Variants in PPP2R2B observed in about 807,000 individuals in gnomAD.
The protein encoded by PPP2R2B is protein phosphatase 2 regulatory subunit Bbeta.
A neutral mutation model predicts 46.0 loss-of-function variants in PPP2R2B; 5 were observed. The observed-to-expected ratio is 0.11, with a 90% CI of 0.06 to 0.23. The LOEUF is 0.23. Among genes scored for constraint, PPP2R2B ranks in the 10% least tolerant of loss-of-function variants. The pLI, the probability that PPP2R2B is intolerant of heterozygous loss-of-function variation, is 1.00. For missense variants in PPP2R2B, 367 were observed against 575.0 expected (o/e 0.64, Z 3.70); for synonymous variants, 215 against 206.7 (o/e 1.04, Z -0.34).
At position 146,837,348 on chromosome 5, in the gene PPP2R2B, G is replaced by C. The variant is rs542635937; in HGVS notation, c.70+40654C>G. On this transcript the variant is annotated intron_variant, in intron 2 of 9. Transcript: ENST00000394411. ...TTAGTTATGATTTTCAGAAGATTAC[G>C]TGTATTAAATGCATTTTTTGACTTA... Among the ~76,000 whole-genome samples, 4 of 152,298 alleles carry C rather than the reference G, an allele frequency of 2.6e-5. No homozygotes were observed. In the South Asian group the frequency reaches 8.3e-4, roughly 32 times the overall value.
chr5:146,687,060 G>C (rs980047120), intron 5 of PPP2R2B, among the ~76,000 whole-genome samples: 2 of 151,554 alleles, frequency 1.3e-5, no homozygotes, highest in Non-Finnish European at 2.9e-5. Flanking sequence ...AGTGGTAGCG[G>C]GGAGTGGTGG....
Position 146,870,817 on chromosome 5 carries a change from G to A in PPP2R2B, c.70+7185C>T, listed in dbSNP as rs370815916. On this transcript the variant is annotated intron_variant, in intron 2 of 9. Transcript: ENST00000394411. ...ACTTCATTTAACATTTGTTGTAAGC[G>A]ATCAAGTCATTTACCTCTAAAGCAC... 1.1e-4 allele frequency among the ~76,000 whole-genome samples: 17 copies of A among 152,162 alleles called. No individual in the cohort carries two copies. In the South Asian group the frequency reaches 2.3e-3, roughly 20 times the overall value.
At chr5:146,762,370 G>T (rs541533675) in intron 2 of PPP2R2B, among the ~76,000 whole-genome samples, 2 of 152,296 alleles carry the variant, frequency 1.3e-5, no homozygotes, top group South Asian at 4.1e-4. Context: ...GAAGAAAATA[G>T]TACCGAAAGC....
chr5:146,683,143 C>G (rs1442925886), intron 5 of PPP2R2B, among the ~76,000 whole-genome samples: 1 of 152,142 alleles, frequency 6.6e-6, no homozygotes, highest in Non-Finnish European at 1.5e-5. Context: ...GATCATCCAG[C>G]TTTGGTAAGC....
intron 1 of PPP2R2B, among the ~76,000 whole-genome samples, chr5:146,945,502 G>A (rs1764451110): frequency 6.6e-6 from 1 of 152,190 alleles, no homozygotes; most frequent in Non-Finnish European, 1.5e-5. Flanking sequence ...CACTGTCCAA[G>A]TCCGATATAT....
At chr5:147,066,747 T>TC (rs1394971927) in intron 2 of PPP2R2B, among the ~76,000 whole-genome samples, 1 of 152,042 alleles carries the variant, frequency 6.6e-6, no homozygotes, top group African/African-American at 2.4e-5. Flanking sequence ...TAATCATGAT[T>TC]TTTTTTTGTA....
At chr5:146,628,769 GTAAC>G (rs1434005940) in intron 7 of PPP2R2B, among the ~76,000 whole-genome samples, 1 of 152,202 alleles carries the variant, frequency 6.6e-6, no homozygotes, top group Non-Finnish European at 1.5e-5. Flanking sequence ...TTTACTTAAA[GTAAC>G]TAATTAATGG....
At chr5:146,848,298 C>A (rs1304828206) in intron 2 of PPP2R2B, among the ~76,000 whole-genome samples, 2 of 152,044 alleles carry the variant, frequency 1.3e-5, no homozygotes, top group East Asian at 3.9e-4. Context: ...AGTAATGAAG[C>A]AATATTGGTA....
rs984815249 is a variant in PPP2R2B at position 146,733,058 on chromosome 5, G to T, written c.71-31916C>A. On this transcript the variant is annotated intron_variant, in intron 2 of 9. Coordinates refer to ENST00000394411, the MANE Select transcript of PPP2R2B (RefSeq NM_181675.4). ...ACATTATTCTTGGCTCTAGATACAG[G>T]ATATAGGGGAGAATATGGGCCGAAT... Among the ~76,000 whole-genome samples the T allele has an allele frequency of 2.6e-5, 4 of 152,288 alleles. No individual in the cohort carries two copies. In the East Asian group the frequency reaches 7.7e-4, roughly 29 times the overall value.
intron 2 of PPP2R2B, among the ~76,000 whole-genome samples, chr5:146,808,850 T>C (rs1757349776): frequency 6.6e-6 from 1 of 152,198 alleles, no homozygotes; most frequent in South Asian, 2.1e-4. Context: ...GAGTTTGCAA[T>C]CAACATTTAT....
intron 2 of PPP2R2B, among the ~76,000 whole-genome samples, chr5:146,731,843 CT>C (rs965753812): frequency 1.1e-3 from 166 of 151,738 alleles, no homozygotes; most frequent in African/African-American, 3.8e-3. Flanking sequence ...GTCCATTGAA[CT>C]TTTTTTTTGT....
chr5:147,010,044 G>A (rs372152202), intron 1 of PPP2R2B, among the ~76,000 whole-genome samples: 17 of 152,116 alleles, frequency 1.1e-4, no homozygotes, highest in African/African-American at 2.9e-4. Context: ...TGAGGTGTGC[G>A]TACTCATAAA....
chr5:146,904,827 G>A (rs576896015), intron 1 of PPP2R2B, among the ~76,000 whole-genome samples: 1 of 152,178 alleles, frequency 6.6e-6, no homozygotes, highest in South Asian at 2.1e-4. Context: ...AACAGCAGCA[G>A]GTTAACATTA....
chr5:146,939,001 G>A (rs1301099298), intron 1 of PPP2R2B, among the ~76,000 whole-genome samples: 1 of 151,848 alleles, frequency 6.6e-6, no homozygotes, highest in Non-Finnish European at 1.5e-5. Flanking sequence ...GGCTGGTCTC[G>A]AACTCCTAAG....
intron 1 of PPP2R2B, among the ~76,000 whole-genome samples, chr5:147,033,408 A>C (rs1383338210): frequency 6.6e-6 from 1 of 152,178 alleles, no homozygotes; most frequent in Non-Finnish European, 1.5e-5. Context: ...GTTGCATTGG[A>C]ACAGAGGTGT....
chr5:147,062,858 A>T (rs1245017169), intron 2 of PPP2R2B, among the ~76,000 whole-genome samples: 1 of 151,492 alleles, frequency 6.6e-6, no homozygotes, highest in African/African-American at 2.4e-5. Flanking sequence ...CTACCTATCA[A>T]TGCCTCCAGA....
intron 2 of PPP2R2B, chr5:146,751,331 C>G (rs1447010421): frequency 2.0e-5 from 3 of 152,216 alleles, no homozygotes; most frequent in African/African-American, 7.2e-5. Flanking sequence ...AGTGTTATGT[C>G]ACCTGTTGGG....
chr5:146,634,754 C>T (rs1774690275), intron 7 of PPP2R2B, among the ~76,000 whole-genome samples: 1 of 144,138 alleles, frequency 6.9e-6, no homozygotes, highest in African/African-American at 2.8e-5. Flanking sequence ...TATGATAAAT[C>T]TCTTAACTTA....
intron 2 of PPP2R2B, among the ~76,000 whole-genome samples, chr5:146,857,370 TAC>T (rs1760734657): frequency 6.6e-6 from 1 of 152,186 alleles, no homozygotes; most frequent in African/African-American, 2.4e-5. Flanking sequence ...AGCTTCAACA[TAC>T]CACTAATATA....
Sources: allele counts gnomAD v4.1 joint callset (sites outside exome capture counted in the v4.1 genomes callset), GRCh38; gene constraint gnomAD v4.1.1; transcripts MANE v1.5; gene names NCBI Gene and HGNC (gene_info 2026-07-23, HGNC 2026-07-21).